Variants in TLN2 observed in about 807,000 individuals in gnomAD.
TLN2 encodes talin-2.
Under a neutral mutation model 294.7 loss-of-function variants are expected in TLN2, and 118 were observed. The observed-to-expected ratio is 0.40, with a 90% CI of 0.34 to 0.47. TLN2 has a LOEUF of 0.47. Among genes scored for constraint, TLN2 ranks in the 20% least tolerant of loss-of-function variants. The pLI is 0.84. For missense variants in TLN2, 3,083 were observed against 3,282.2 expected, an observed-to-expected ratio of 0.94 and a Z score of 1.48; for synonymous variants, 1,431 against 1,304.5, an observed-to-expected ratio of 1.10 and a Z score of -2.09.
chr15:62,836,060 T>C lies in TLN2; in HGVS notation c.7361T>C (p.Met2454Thr), dbSNP rs764723854. 1.2e-6 allele frequency: 2 copies of C among 1,610,494 alleles called. No individual in the cohort carries two copies. Among genetic ancestry groups the C allele is most frequent in the East Asian group, 2.2e-5 (1 of 44,802 alleles). ...AAGGCCGACCAGGATTCAGAGGCCA[T>C]GAGGCGGCTACAGGTAATGGTCACT... is the stretch of plus-strand genomic sequence containing the variant. Reference protein sequence around the residue: ...KVKADQDSEAMRRLQAAGNAV... With the variant: ...KVKADQDSEATRRLQAAGNAV... The change falls in exon 57 of 59, where the codon ATG (methionine) becomes ACG (threonine). Residue 2454 changes from methionine to threonine, a missense_variant. By Grantham distance (81) the Met-to-Thr change is moderately conservative. Coordinates refer to ENST00000636159, the MANE Select transcript of TLN2 (RefSeq NM_015059.3).
chr15:62,826,495 A>G (rs1038828087), intron 54 of TLN2, among the ~76,000 whole-genome samples: 1 of 152,194 alleles, frequency 6.6e-6, no homozygotes, highest in Non-Finnish European at 1.5e-5. Context: ...CCAGCTGTCC[A>G]TGCCTGGCTC....
At chr15:62,581,133 G>A (rs1339605675) in intron 1 of TLN2, among the ~76,000 whole-genome samples, 1 of 152,116 alleles carries the variant, frequency 6.6e-6, no homozygotes, top group Admixed American at 6.5e-5. Context: ...GCCTGCCTTG[G>A]CCTCCTAAAG....
chr15:62,607,686 T>A (rs2047566725), intron 2 of TLN2, among the ~76,000 whole-genome samples: 1 of 152,200 alleles, frequency 6.6e-6, no homozygotes, highest in Non-Finnish European at 1.5e-5. Context: ...TCCTTAGGGT[T>A]TATTTGACCC....
Position 62,719,845 on chromosome 15 carries a change from C to G in TLN2, c.2956C>G (p.Leu986Val). ...TCAAGCTGAAGACCTGAGTGCCCAGCTGGCTCTCATCATCTCCAGCCAGAA... is the reference window on the plus strand; with the variant it reads ...TCAAGCTGAAGACCTGAGTGCCCAGGTGGCTCTCATCATCTCCAGCCAGAA... ...QAQAEDLSAQ[L>V]ALIISSQNFL... Residue 986 changes from leucine (L) to valine (V), a missense_variant, in exon 25 of 59, where the codon CTG (leucine) becomes GTG (valine). Transcript: ENST00000636159. 1 of 1,612,154 alleles carries G rather than the reference C, an allele frequency of 6.2e-7. No homozygotes were observed. The highest frequency in any genetic ancestry group is 8.5e-7 in the Non-Finnish European group (1 of 1,179,066).
chr15:62,780,057 A>G (rs1350337220), intron 43 of TLN2, among the ~76,000 whole-genome samples: 2 of 152,220 alleles, frequency 1.3e-5, no homozygotes, highest in Non-Finnish European at 2.9e-5. Flanking sequence ...GTCATTGCTT[A>G]CCCCAGATCC....
Position 62,708,528 on chromosome 15 carries a change from T to A in TLN2, c.2199T>A (p.Pro733=). The A allele has an allele frequency of 6.2e-7, 1 of 1,613,946 alleles. No individual in the cohort carries two copies. The highest frequency in any genetic ancestry group is 1.1e-5 in the South Asian group (1 of 91,072). ...TTGTGAGCCCCACTATTAGCTCCCC[T>A]GTGTGCCAGGAGCAGCTGATTGAAG... ...AKVVSPTISS[P]VCQEQLIEAG... Residue 733 remains proline, a synonymous_variant, in exon 21 of 59, where the codon CCT becomes CCA. Coordinates refer to ENST00000636159, the MANE Select transcript of TLN2 (RefSeq NM_015059.3).
At chr15:62,473,471 T>C (rs1042849971) in intron 1 of TLN2, among the ~76,000 whole-genome samples, 1 of 152,154 alleles carries the variant, frequency 6.6e-6, no homozygotes, top group Non-Finnish European at 1.5e-5. Flanking sequence ...ACCTTAGAAG[T>C]CCTTCCCATC....
At chr15:62,591,012 G>A (rs1243609335) in intron 2 of TLN2, among the ~76,000 whole-genome samples, 1 of 150,684 alleles carries the variant, frequency 6.6e-6, no homozygotes, top group Non-Finnish European at 1.5e-5. Flanking sequence ...AAAGAAAGTT[G>A]ATGATTAAAG....
intron 1 of TLN2, among the ~76,000 whole-genome samples, chr15:62,518,317 G>T (rs551118829): frequency 6.6e-6 from 1 of 152,128 alleles, no homozygotes; most frequent in South Asian, 2.1e-4. Context: ...GATTATAGGC[G>T]TGAGCCACCA....
intron 34 of TLN2, among the ~76,000 whole-genome samples, chr15:62,750,910 G>A (rs999377035): frequency 1.3e-5 from 2 of 152,086 alleles, no homozygotes; most frequent in African/African-American, 4.8e-5. Flanking sequence ...CTTGACTTAC[G>A]TGGGATCCTC....
chr15:62,715,649 G>T (rs930627645), intron 22 of TLN2, among the ~76,000 whole-genome samples: 1 of 152,204 alleles, frequency 6.6e-6, no homozygotes, highest in African/African-American at 2.4e-5. Flanking sequence ...CAAAGAAAGC[G>T]TGACTGGCAT....
intron 4 of TLN2, among the ~76,000 whole-genome samples, chr15:62,649,491 T>C (rs79071420): frequency 0.047 from 7,133 of 152,228 alleles, 537 homozygotes; most frequent in African/African-American, 0.16. Context: ...GTACTTCCTA[T>C]GTCAGATTAA....
intron 16 of TLN2, among the ~76,000 whole-genome samples, chr15:62,700,490 A>G (rs1458184561): frequency 6.6e-6 from 1 of 152,222 alleles, no homozygotes; most frequent in Non-Finnish European, 1.5e-5. Flanking sequence ...TATAAGGCAC[A>G]GGACCTGCCT....
chr15:62,492,063 T>C (rs148855037), intron 1 of TLN2, among the ~76,000 whole-genome samples: 129 of 152,188 alleles, frequency 8.5e-4, no homozygotes, highest in African/African-American at 3.1e-3. Flanking sequence ...AATTTATGAG[T>C]AAGCTAAGTT....
rs569768555 is a variant in TLN2 at position 62,722,238 on chromosome 15, C to CT, written c.2992-107dup. On this transcript the variant is annotated intron_variant, in intron 25 of 58. Coordinates refer to ENST00000636159, the MANE Select transcript of TLN2 (RefSeq NM_015059.3). The stretch of plus-strand genomic sequence containing the variant: ...ATAGGGGATGAGTTGTTTAATATTC[C>CT]TTTTTTTTAGGACAAAATCAGTTCT... The CT allele has an allele frequency of 3.3e-4, 415 of 1,246,750 alleles. 4 individuals carry two copies. Among genetic ancestry groups the CT allele is most frequent in the African/African-American group, 2.1e-3 (141 of 67,516 alleles). 77.2% of individuals were successfully genotyped at this position (1,246,750 alleles called of 1,614,324 possible).
intron 45 of TLN2, among the ~76,000 whole-genome samples, chr15:62,788,177 G>T (rs563391478): frequency 1.3e-5 from 2 of 151,674 alleles, no homozygotes; most frequent in African/African-American, 2.4e-5. Context: ...CGGGCATGGT[G>T]GGGGGTGCCT....
chr15:62,657,981 A>G (rs901026392), intron 9 of TLN2, 83 bp downstream of exon 9: 20 of 1,311,200 alleles, frequency 1.5e-5, no homozygotes, highest in Middle Eastern at 3.8e-4. Flanking sequence ...CTAGGTGTCT[A>G]AGATCATACC....
intron 30 of TLN2, among the ~76,000 whole-genome samples, chr15:62,738,932 C>T (rs1407383505): frequency 5.9e-5 from 9 of 152,164 alleles, no homozygotes; most frequent in South Asian, 4.1e-4. Flanking sequence ...TTTGGAAGAA[C>T]GTGATTTGAA....
At chr15:62,422,202 A>G (rs909073895) in intron 1 of TLN2, among the ~76,000 whole-genome samples, 1 of 144,670 alleles carries the variant, frequency 6.9e-6, no homozygotes, top group African/African-American at 2.6e-5. Context: ...CTGGGCAACA[A>G]GAGCAAAACT....
Sources: gnomAD v4.1 joint callset for allele counts (sites outside exome capture counted in the v4.1 genomes callset) on GRCh38, gnomAD v4.1.1 for gene constraint, MANE v1.5 for transcripts, NCBI Gene and HGNC (gene_info 2026-07-23, HGNC 2026-07-21) for gene names.